The following TLN2 variants were observed in gnomAD, a reference collection of about 807,000 sequenced individuals.
The protein encoded by TLN2 is talin 2, also known as talin-2.
Under a neutral mutation model 294.7 loss-of-function variants are expected in TLN2, and 118 were observed. That is an observed-to-expected ratio of 0.40 (90% CI 0.34 to 0.47). TLN2 has a LOEUF of 0.47. TLN2 is among the 20% of genes least tolerant of loss of function. The pLI, the probability that TLN2 is intolerant of heterozygous loss-of-function variation, is 0.84. For synonymous variants in TLN2, 1,431 were observed against 1,304.5 expected, an observed-to-expected ratio of 1.10 and a Z score of -2.09; for missense variants, 3,083 against 3,282.2, an observed-to-expected ratio of 0.94 and a Z score of 1.48.
intron 1 of TLN2, among the ~76,000 whole-genome samples, chr15:62,551,592 G>A (rs1019970050): frequency 1.3e-5 from 2 of 151,894 alleles, no homozygotes; most frequent in East Asian, 1.9e-4. Flanking sequence ...CCAGCTACTC[G>A]GGAGGCTAAG....
intron 4 of TLN2, among the ~76,000 whole-genome samples, chr15:62,649,476 C>A (rs181274008): frequency 7.2e-5 from 11 of 152,234 alleles, no homozygotes; most frequent in Admixed American, 3.3e-4. Flanking sequence ...CACCCCACCC[C>A]CTTCGTACTT....
chr15:62,574,703 C>T (rs2044241101), intron 1 of TLN2, among the ~76,000 whole-genome samples: 1 of 143,180 alleles, frequency 7.0e-6, no homozygotes, highest in Non-Finnish European at 1.5e-5. Flanking sequence ...CAGACTTGAA[C>T]TTTAGTTTGC....
rs1039982628 is a variant in TLN2 at position 62,843,510 on chromosome 15, C to T, written c.*2900C>T. 2.0e-5 allele frequency: 3 copies of T among 152,234 alleles called. No homozygotes were observed. The highest frequency in any genetic ancestry group is 4.4e-5 in the Non-Finnish European group (3 of 68,072). 9.4% of individuals were successfully genotyped at this position (152,234 alleles called of 1,614,324 possible). A position where few individuals can be genotyped will look rare whatever the true frequency, so the allele number is the denominator to read the frequency against. Reference sequence around the variant, plus strand: ...GTCGGTCAACACAGTCCCTCCAGGTCGGCTGCAGAGGCAGCTGCCCAGCCT... The same window carrying T: ...GTCGGTCAACACAGTCCCTCCAGGTTGGCTGCAGAGGCAGCTGCCCAGCCT... On this transcript the variant is annotated 3_prime_UTR_variant, in exon 59 of 59. Coordinates refer to ENST00000636159, the MANE Select transcript of TLN2 (RefSeq NM_015059.3).
At chr15:62,762,188 G>C (rs1392785639) in intron 38 of TLN2, 84 bp from the exon 39 acceptor site, 2 of 1,464,078 alleles carry the variant, frequency 1.4e-6, no homozygotes, top group East Asian at 2.3e-5. Flanking sequence ...GTGGTGATTT[G>C]GCAAAGAACA....
chr15:62,724,939 G>A, intron 26 of TLN2, 37 bp from the exon 27 acceptor site: 2 of 1,579,354 alleles, frequency 1.3e-6, no homozygotes, highest in Middle Eastern at 1.7e-4. Flanking sequence ...CTTTTCCCAA[G>A]CAGACTGGGT....
At chr15:62,796,423 G>A in intron 47 of TLN2, 130 bp downstream of exon 47, 1 of 1,142,470 alleles carries the variant, frequency 8.8e-7, no homozygotes, top group Non-Finnish European at 1.2e-6. Context: ...TGCACAAGTT[G>A]GGAAAGTGAA....
At chr15:62,836,565 C>T (rs2069632034) in intron 57 of TLN2, among the ~76,000 whole-genome samples, 13 of 152,186 alleles carry the variant, frequency 8.5e-5, no homozygotes, top group Admixed American at 8.5e-4. Flanking sequence ...AGGCCTTCAG[C>T]CAGTGTCTGC....
intron 2 of TLN2, among the ~76,000 whole-genome samples, chr15:62,603,190 C>T (rs2047147579): frequency 6.6e-6 from 1 of 152,182 alleles, no homozygotes. Context: ...CCGCGCCCGG[C>T]CGAGGCGTTT....
chr15:62,403,816 C>T (rs1464342123), intron 1 of TLN2, among the ~76,000 whole-genome samples: 8 of 152,202 alleles, frequency 5.3e-5, no homozygotes, highest in African/African-American at 1.4e-4. Flanking sequence ...TATGAGGTCA[C>T]GCCGGCATCC....
At chr15:62,520,453 A>G (rs1596000476) in intron 1 of TLN2, among the ~76,000 whole-genome samples, 1 of 152,234 alleles carries the variant, frequency 6.6e-6, no homozygotes, top group Non-Finnish European at 1.5e-5. Context: ...GTAAGTGTAC[A>G]TATATGCACA....
At chr15:62,671,882 T>A (rs1282346570) in intron 9 of TLN2, among the ~76,000 whole-genome samples, 2 of 152,210 alleles carry the variant, frequency 1.3e-5, no homozygotes, top group Non-Finnish European at 2.9e-5. Flanking sequence ...GTTATTTAGA[T>A]CTAGGGGCTC....
intron 1 of TLN2, among the ~76,000 whole-genome samples, chr15:62,519,638 G>C (rs1384167041): frequency 6.6e-6 from 1 of 152,328 alleles, no homozygotes; most frequent in African/African-American, 2.4e-5. Context: ...AAAGTGATTG[G>C]TAAAGGAGAG....
intron 1 of TLN2, among the ~76,000 whole-genome samples, chr15:62,402,783 C>T (rs116931056): frequency 0.027 from 4,176 of 152,292 alleles, 73 homozygotes; most frequent in Middle Eastern, 0.048. Context: ...TCATCATCTT[C>T]CTATACTAAA....
chr15:62,591,446 T>G (rs1223299456), intron 2 of TLN2, among the ~76,000 whole-genome samples: 1 of 152,182 alleles, frequency 6.6e-6, no homozygotes, highest in Non-Finnish European at 1.5e-5. Context: ...ACATCTGGCA[T>G]GGTCAAACTA....
intron 51 of TLN2, 137 bp downstream of exon 51, chr15:62,805,922 G>A (rs1385679918): frequency 2.4e-5 from 23 of 943,854 alleles, no homozygotes; most frequent in Non-Finnish European, 3.1e-5. Context: ...AGGGGTAGTG[G>A]CTTATGCCTG....
At chr15:62,816,611 C>A (rs1299689031) in intron 52 of TLN2, among the ~76,000 whole-genome samples, 1 of 152,218 alleles carries the variant, frequency 6.6e-6, no homozygotes, top group African/African-American at 2.4e-5. Flanking sequence ...CATCATTCCA[C>A]TCTGTGGGAA....
intron 1 of TLN2, among the ~76,000 whole-genome samples, chr15:62,532,308 G>C (rs1230729601): frequency 2.0e-5 from 3 of 152,062 alleles, no homozygotes; most frequent in African/African-American, 7.2e-5. Context: ...TGTTGCCCAG[G>C]CTAGTCTCGA....
At chr15:62,631,341 C>G in intron 3 of TLN2, among the ~76,000 whole-genome samples, 1 of 152,214 alleles carries the variant, frequency 6.6e-6, no homozygotes, top group East Asian at 1.9e-4. Context: ...AGGAAGCTTG[C>G]TCAGTGGATT....
intron 2 of TLN2, among the ~76,000 whole-genome samples, chr15:62,593,559 A>G (rs1340067303): frequency 3.3e-5 from 5 of 152,216 alleles, no homozygotes; most frequent in East Asian, 1.9e-4. Flanking sequence ...AGACTTTTCT[A>G]TGTAAGAATT....
Sources: gnomAD v4.1 joint callset for allele counts (sites outside exome capture counted in the v4.1 genomes callset) on GRCh38, gnomAD v4.1.1 for gene constraint, MANE v1.5 for transcripts, NCBI Gene and HGNC (gene_info 2026-07-23, HGNC 2026-07-21) for gene names.